RIMS1: variants seen among roughly 807,000 people sequenced by gnomAD.
RIMS1 encodes the protein regulating synaptic membrane exocytosis 1, also known as regulating synaptic membrane exocytosis protein 1.
Under a neutral mutation model 214.1 loss-of-function variants are expected in RIMS1, and 83 were observed. That is an observed-to-expected ratio of 0.39 (90% CI 0.32 to 0.47). RIMS1 has a LOEUF of 0.47. RIMS1 is among the 20% of genes least tolerant of loss of function. The pLI is 0.99. For synonymous variants in RIMS1, 793 were observed against 786.8 expected, an observed-to-expected ratio of 1.01 and a Z score of -0.13; for missense variants, 2,050 against 2,161.8, an observed-to-expected ratio of 0.95 and a Z score of 1.03.
At chr6:72,378,917 G>A (rs1223407944) in intron 29 of RIMS1, among the ~76,000 whole-genome samples, 9 of 152,092 alleles carry the variant, frequency 5.9e-5, no homozygotes, top group South Asian at 2.1e-4. Flanking sequence ...TTTAATAAAC[G>A]GTGTTTATTG....
At chr6:72,152,386 C>T (rs987072282) in intron 4 of RIMS1, among the ~76,000 whole-genome samples, 1 of 152,104 alleles carries the variant, frequency 6.6e-6, no homozygotes, top group East Asian at 1.9e-4. Context: ...TCTAAGATCA[C>T]AATTGGTTAA....
chr6:72,386,731 CTTTTTTTTT>C (rs35080577), intron 29 of RIMS1, among the ~76,000 whole-genome samples: 1 of 109,888 alleles, frequency 9.1e-6, no homozygotes, highest in African/African-American at 3.3e-5. Context: ...CACTGTCTTT[CTTTTTTTTT>C]TTTTTTTTTT....
intron 6 of RIMS1, among the ~76,000 whole-genome samples, chr6:72,227,377 T>G (rs1195473046): frequency 6.6e-6 from 1 of 151,932 alleles, no homozygotes; most frequent in African/African-American, 2.4e-5. Flanking sequence ...ATAATGCAGT[T>G]TCGTGCACAT....
At chr6:72,136,151 TATG>T (rs1210982833) in intron 4 of RIMS1, among the ~76,000 whole-genome samples, 10 of 152,136 alleles carry the variant, frequency 6.6e-5, no homozygotes, top group Non-Finnish European at 1.2e-4. Context: ...AAGATAAATA[TATG>T]ATATTTTCAC....
chr6:72,137,039 G>T (rs1013823435), intron 4 of RIMS1, among the ~76,000 whole-genome samples: 1 of 151,926 alleles, frequency 6.6e-6, no homozygotes, highest in Non-Finnish European at 1.5e-5. Flanking sequence ...AATAAAAGTG[G>T]AGAGAAAGAA....
chr6:72,203,393 G>A (rs1173160456), intron 6 of RIMS1, among the ~76,000 whole-genome samples: 3 of 152,184 alleles, frequency 2.0e-5, no homozygotes, highest in Non-Finnish European at 4.4e-5. Context: ...AGCTGGGGTA[G>A]ATTTTGGGCA....
At chr6:72,066,153 C>G (rs1298320183) in intron 2 of RIMS1, among the ~76,000 whole-genome samples, 1 of 152,118 alleles carries the variant, frequency 6.6e-6, no homozygotes, top group Non-Finnish European at 1.5e-5. Context: ...GAGATACACA[C>G]AAGTTGCTAA....
chr6:72,029,179 C>T (rs976716764), intron 2 of RIMS1, among the ~76,000 whole-genome samples: 5 of 152,092 alleles, frequency 3.3e-5, no homozygotes, highest in African/African-American at 4.8e-5. Flanking sequence ...CTGCATTTTA[C>T]GTACCAAAGT....
chr6:72,336,163 CA>C (rs2096836717), intron 29 of RIMS1, among the ~76,000 whole-genome samples: 1 of 151,806 alleles, frequency 6.6e-6, no homozygotes, highest in African/African-American at 2.4e-5. Context: ...CTTCTTCCCT[CA>C]ACTTTCCAGT....
chr6:72,297,734 C>T (rs2154264101), intron 26 of RIMS1, among the ~76,000 whole-genome samples: 1 of 152,108 alleles, frequency 6.6e-6, no homozygotes, highest in South Asian at 2.1e-4. Flanking sequence ...AAAAAGAATG[C>T]TGCGCCTCTC....
chr6:72,252,446 A>T (rs1179202650), intron 15 of RIMS1, among the ~76,000 whole-genome samples: 2 of 152,168 alleles, frequency 1.3e-5, no homozygotes, highest in African/African-American at 2.4e-5. Flanking sequence ...AATTGTGTAG[A>T]AAACAATGTA....
chr6:72,038,398 C>G (rs761006086), intron 2 of RIMS1, among the ~76,000 whole-genome samples: 7 of 151,666 alleles, frequency 4.6e-5, no homozygotes, highest in Non-Finnish European at 1.0e-4. Context: ...TTTGGGAAAA[C>G]AGTTTTTCAT....
At chr6:72,371,948 A>T (rs2098233995) in intron 29 of RIMS1, among the ~76,000 whole-genome samples, 1 of 152,238 alleles carries the variant, frequency 6.6e-6, no homozygotes, top group South Asian at 2.1e-4. Flanking sequence ...TATGAATATA[A>T]TTATTCTACT....
chr6:72,322,222 G>C (rs1049383189), intron 28 of RIMS1, among the ~76,000 whole-genome samples: 2 of 152,016 alleles, frequency 1.3e-5, no homozygotes, highest in African/African-American at 2.4e-5. Context: ...TTTAGCCCTG[G>C]AGCACCTTGA....
chr6:72,339,117 A>C (rs1416030410), intron 29 of RIMS1, among the ~76,000 whole-genome samples: 1 of 151,798 alleles, frequency 6.6e-6, no homozygotes, highest in Admixed American at 6.6e-5. Context: ...CAAGTGTCAG[A>C]GTGGTAGAAC....
At chr6:72,012,130 C>A (rs748580748) in intron 2 of RIMS1, among the ~76,000 whole-genome samples, 1 of 152,178 alleles carries the variant, frequency 6.6e-6, no homozygotes, top group Non-Finnish European at 1.5e-5. Context: ...CACATATACA[C>A]CATGGAATAC....
chr6:72,390,754 G>C lies in RIMS1; in HGVS notation c.4505+18G>C, dbSNP rs373891202. 6.2e-7 allele frequency: 1 copy of C among 1,612,710 alleles called. No homozygotes were observed. Among genetic ancestry groups the C allele is most frequent in the African/African-American group, 1.3e-5 (1 of 74,914 alleles). On this transcript the variant is annotated intron_variant, in intron 30 of 33. Coordinates refer to ENST00000521978, the MANE Select transcript of RIMS1 (RefSeq NM_014989.7). ...GAGGGCAAGTAAGTGCTGTCAGCACGTCTGCATGGCTGTGGAACCAGGAAT... is the reference window on the plus strand; with the variant it reads ...GAGGGCAAGTAAGTGCTGTCAGCACCTCTGCATGGCTGTGGAACCAGGAAT...
At chr6:71,930,485 A>G (rs1351278364) in intron 1 of RIMS1, among the ~76,000 whole-genome samples, 1 of 151,938 alleles carries the variant, frequency 6.6e-6, no homozygotes, top group Non-Finnish European at 1.5e-5. Context: ...TGATGGAAAG[A>G]CCCTAGAGAT....
chr6:72,194,531 C>T (rs898133780), intron 6 of RIMS1, among the ~76,000 whole-genome samples: 3 of 152,020 alleles, frequency 2.0e-5, no homozygotes, highest in Non-Finnish European at 4.4e-5. Flanking sequence ...AGTTTATATT[C>T]TATTGAGAAA....
Sources: gnomAD v4.1 joint callset for allele counts (sites outside exome capture counted in the v4.1 genomes callset) on GRCh38, gnomAD v4.1.1 for gene constraint, MANE v1.5 for transcripts, NCBI Gene and HGNC (gene_info 2026-07-23, HGNC 2026-07-21) for gene names.